GYPB: variants seen among roughly 807,000 people sequenced by gnomAD.
GYPB encodes the protein glycophorin B (MNS blood group).
Under a neutral mutation model 15.3 loss-of-function variants are expected in GYPB, and 13 were observed. The ratio of observed to expected loss-of-function variants is 0.85; its 90% CI spans 0.55 to 1.35. The LOEUF (loss-of-function observed/expected upper bound fraction) is 1.35. Among genes scored for constraint, GYPB ranks in the 40% most tolerant of loss-of-function variants. GYPB has a pLI of 0.00. For synonymous variants in GYPB, 38 were observed against 36.9 expected (o/e 1.03, Z -0.11); for missense variants, 131 against 108.3 (o/e 1.21, Z -0.93).
chr4:144,015,410 CT>C (rs1437232753), intron 1 of GYPB, among the ~76,000 whole-genome samples: 1 of 151,104 alleles, frequency 6.6e-6, no homozygotes, highest in Non-Finnish European at 1.5e-5. Context: ...TAGGTCCAGC[CT>C]GATTTTGTCA....
chr4:144,019,304 G>A lies in GYPB; in HGVS notation c.-17C>T, dbSNP rs977861575. 1.9e-5 allele frequency: 30 copies of A among 1,611,650 alleles called. No homozygotes were observed. The highest frequency in any genetic ancestry group is 1.5e-4 in the Admixed American group (9 of 59,792). ...TCCATACATCCTGAGATCATGAGCT[G>A]GTTCCTGAAGTTAGTGCAAAAAAAC... is the stretch of plus-strand genomic sequence containing the variant. On this transcript the variant is annotated 5_prime_UTR_variant, in exon 1 of 5. Coordinates refer to ENST00000502664, the MANE Select transcript of GYPB (RefSeq NM_002100.6).
chr4:143,998,402 A>G (rs1425449466), intron 3 of GYPB, among the ~76,000 whole-genome samples: 4 of 151,462 alleles, frequency 2.6e-5, no homozygotes, highest in Admixed American at 1.3e-4. Context: ...TTGCCTAATT[A>G]ATATTTAAAT....
At chr4:143,998,047 C>T (rs1265377929) in intron 3 of GYPB, among the ~76,000 whole-genome samples, 1 of 151,298 alleles carries the variant, frequency 6.6e-6, no homozygotes, top group Non-Finnish European at 1.5e-5. Context: ...TTGAACAGAT[C>T]ATAGAATCAT....
chr4:144,008,568 A>G, intron 1 of GYPB: 4 of 449,206 alleles, frequency 8.9e-6, no homozygotes, highest in South Asian at 6.3e-5. Context: ...CTGCCTACTA[A>G]AGAATCCTCA....
chr4:144,002,708 A>C (rs1460803597), intron 1 of GYPB: 3 of 1,285,892 alleles, frequency 2.3e-6, no homozygotes, highest in Non-Finnish European at 3.0e-6. Context: ...GAGAGCACAC[A>C]AATAACAGAA....
chr4:144,005,361 T>C (rs1253288144), intron 1 of GYPB, among the ~76,000 whole-genome samples: 1 of 151,950 alleles, frequency 6.6e-6, no homozygotes, highest in Non-Finnish European at 1.5e-5. Context: ...TTTTAGTATA[T>C]TAGTCAGCAA....
intron 1 of GYPB, among the ~76,000 whole-genome samples, chr4:144,006,871 T>C (rs542947440): frequency 1.3e-5 from 2 of 151,688 alleles, no homozygotes; most frequent in Admixed American, 1.3e-4. Flanking sequence ...CTCATATCCA[T>C]TGACTTCCAA....
intron 1 of GYPB, among the ~76,000 whole-genome samples, chr4:144,004,926 G>C (rs564696320): frequency 1.3e-5 from 2 of 151,842 alleles, no homozygotes; most frequent in Non-Finnish European, 2.9e-5. Context: ...TGGGTAGAAA[G>C]CATTTAAGCA....
In GYPB at chr4:144,010,227, G is replaced by T. The variant is rs1207806236; in HGVS notation, c.38-8944C>A. Among the ~76,000 whole-genome samples, 4 of 151,414 alleles carry T rather than the reference G, an allele frequency of 2.6e-5. No individual in the cohort carries two copies. In the East Asian group the frequency reaches 7.7e-4, roughly 29 times the overall value. ...GCCTGTAAACCCAGTGCTTTGGGAG[G>T]CCAAGGCAAGAGGATCCCTTGAGGC... On this transcript the variant is annotated intron_variant, in intron 1 of 4. Transcript: ENST00000502664.
intron 1 of GYPB, among the ~76,000 whole-genome samples, chr4:144,016,082 T>G (rs1213129151): frequency 2.9e-5 from 4 of 138,516 alleles, no homozygotes; most frequent in Non-Finnish European, 6.0e-5. Context: ...ACAGTTCCTG[T>G]AACTCTTTCC....
At chr4:144,016,003 G>A (rs1728475788) in intron 1 of GYPB, among the ~76,000 whole-genome samples, 1 of 151,066 alleles carries the variant, frequency 6.6e-6, no homozygotes, top group African/African-American at 2.5e-5. Flanking sequence ...GGCTGACAAT[G>A]TGTGGGACAC....
At chr4:144,012,553 T>C (rs1728269905) in intron 1 of GYPB, 2 of 151,436 alleles carry the variant, frequency 1.3e-5, no homozygotes, top group South Asian at 4.1e-4. Context: ...TGGTGAATCA[T>C]ACTTCATGAA....
rs1481496463 is a variant in GYPB, at chr4:144,019,124, G to C, written c.37+127C>G. The C allele has an allele frequency of 2.8e-6, 4 of 1,450,332 alleles. No individual in the cohort carries two copies. In the African/African-American group the frequency reaches 5.9e-5, roughly 22 times the overall value. 89.8% of individuals were successfully genotyped at this position (1,450,332 alleles called of 1,614,324 possible). ...GAGTTCCAGTAAAATCCATCCACCAGACTGGAAGAGGAAATACTACTCATT... is the reference window on the plus strand; with the variant it reads ...GAGTTCCAGTAAAATCCATCCACCACACTGGAAGAGGAAATACTACTCATT... On this transcript the variant is annotated intron_variant, in intron 1 of 4. Coordinates refer to ENST00000502664, the MANE Select transcript of GYPB (RefSeq NM_002100.6).
chr4:144,010,328 G>A (rs1372675937), intron 1 of GYPB, among the ~76,000 whole-genome samples: 8 of 151,250 alleles, frequency 5.3e-5, no homozygotes, highest in Non-Finnish European at 1.0e-4. Context: ...AATTAGTCAG[G>A]TGTGGTTGAG....
At chr4:144,007,654 A>C (rs1471485468) in intron 1 of GYPB, among the ~76,000 whole-genome samples, 2 of 151,566 alleles carry the variant, frequency 1.3e-5, no homozygotes, top group Non-Finnish European at 2.9e-5. Context: ...CCACTGTCCC[A>C]GTGGGAAAGG....
In GYPB at chr4:144,009,524, A is replaced by G. The variant is rs192116297; in HGVS notation, c.38-8241T>C. The stretch of plus-strand genomic sequence containing the variant: ...AATAAATGAGTATGACTATGTTCCA[A>G]TAATGATTTGTGGGCAGTAGAATTT... On this transcript the variant is annotated intron_variant, in intron 1 of 4. Coordinates refer to ENST00000502664, the MANE Select transcript of GYPB (RefSeq NM_002100.6). Among the ~76,000 whole-genome samples, 173 of 150,232 alleles carry G rather than the reference A, an allele frequency of 1.2e-3. 4 individuals are homozygous for G. Among genetic ancestry groups the G allele is most frequent in the African/African-American group, 3.8e-3 (151 of 40,164 alleles).
chr4:143,995,205 CTG>C, downstream of GYPB, among the ~76,000 whole-genome samples: 1 of 151,248 alleles, frequency 6.6e-6, no homozygotes, highest in South Asian at 2.1e-4. Flanking sequence ...CATGGTGTGA[CTG>C]TAATGTCTGA....
chr4:144,017,356 G>GA (rs1229480224), intron 1 of GYPB, among the ~76,000 whole-genome samples: 1 of 142,878 alleles, frequency 7.0e-6, no homozygotes, highest in Non-Finnish European at 1.5e-5. Flanking sequence ...AAAAGAAAAA[G>GA]AAAAAAAAAG....
rs565870461 is a variant in GYPB at position 143,998,237 on chromosome 4, C to A, written c.176-603G>T. ...TTATGCATAGTCTCCAATATAGTCACTAACAATGCTTGTTAAGTCATTTAT... is the reference window on the plus strand; with the variant it reads ...TTATGCATAGTCTCCAATATAGTCAATAACAATGCTTGTTAAGTCATTTAT... On this transcript the variant is annotated intron_variant, in intron 3 of 4. Transcript: ENST00000502664. Among the ~76,000 whole-genome samples the A allele has an allele frequency of 3.0e-4, 45 of 151,420 alleles. No individual in the cohort carries two copies. In the East Asian group the frequency reaches 6.2e-3, roughly 21 times the overall value.
Sources: gnomAD v4.1 joint callset for allele counts (sites outside exome capture counted in the v4.1 genomes callset) on GRCh38, gnomAD v4.1.1 for gene constraint, MANE v1.5 for transcripts, NCBI Gene and HGNC (gene_info 2026-07-23, HGNC 2026-07-21) for gene names.